ITGBL1: variants seen among roughly 807,000 people sequenced by gnomAD.
The protein encoded by ITGBL1 is integrin subunit beta like 1.
In ITGBL1, 51 loss-of-function variants were observed where a neutral mutation model predicts 68.5. That is an observed-to-expected ratio of 0.74 (90% CI 0.59 to 0.94). The LOEUF is 0.94. ITGBL1 is among the 40% of genes least tolerant of loss of function. The probability of loss-of-function intolerance (pLI) is 0.00; values close to 1 mark genes in which losing one functional copy is unlikely to be tolerated. For missense variants in ITGBL1, 649 were observed against 647.4 expected, an observed-to-expected ratio of 1.00 and a Z score of -0.03; for synonymous variants, 209 against 227.3, an observed-to-expected ratio of 0.92 and a Z score of 0.72.
Position 101,557,072 on chromosome 13 carries a change from C to T in ITGBL1, c.317-10627C>T, listed in dbSNP as rs372297659. 2.4e-4 allele frequency among the ~76,000 whole-genome samples: 37 copies of T among 152,306 alleles called. No individual in the cohort carries two copies. The East Asian group carries it at 3.9e-3, about 16-fold the overall frequency. ...ATCCCTCCTCAGGGGACAGACAGAG[C>T]GGTGCCATGCTGATGCACAGCTCCT... On this transcript the variant is annotated intron_variant, in intron 2 of 10. Transcript: ENST00000376180.
chr13:101,484,823 T>A (rs1173871328), intron 2 of ITGBL1, among the ~76,000 whole-genome samples: 1 of 152,076 alleles, frequency 6.6e-6, no homozygotes, highest in Non-Finnish European at 1.5e-5. Context: ...GAAATAATAA[T>A]GAAAATATTT....
At chr13:101,669,868 T>C (rs896874191) in intron 7 of ITGBL1, among the ~76,000 whole-genome samples, 2 of 152,226 alleles carry the variant, frequency 1.3e-5, no homozygotes, top group African/African-American at 4.8e-5. Flanking sequence ...TCATTGCATC[T>C]CACTGCACAT....
intron 9 of ITGBL1, among the ~76,000 whole-genome samples, chr13:101,709,442 A>T (rs1012073407): frequency 2.7e-4 from 40 of 150,136 alleles, no homozygotes; most frequent in Non-Finnish European, 5.6e-4. Flanking sequence ...ACTGCAAGAG[A>T]GAAGTAGGAG....
intron 10 of ITGBL1, chr13:101,715,232 C>T (rs2034663062): frequency 4.4e-6 from 1 of 225,812 alleles, no homozygotes; most frequent in African/African-American, 2.3e-5. Flanking sequence ...GTCAAAGAGC[C>T]TTATGTTTTT....
chr13:101,692,400 C>A (rs560105795), intron 7 of ITGBL1, among the ~76,000 whole-genome samples, 185 bp from the exon 8 acceptor site: 3 of 152,142 alleles, frequency 2.0e-5, no homozygotes, highest in Admixed American at 6.5e-5. Flanking sequence ...CAGACCACCA[C>A]GGAATTTCTT....
chr13:101,455,153 T>C (rs1326597913), intron 2 of ITGBL1, among the ~76,000 whole-genome samples: 1 of 152,150 alleles, frequency 6.6e-6, no homozygotes, highest in Non-Finnish European at 1.5e-5. Flanking sequence ...TTACCCTCAA[T>C]GTAGCTAAGA....
At chr13:101,478,018 C>A (rs534699746) in intron 2 of ITGBL1, among the ~76,000 whole-genome samples, 1 of 152,056 alleles carries the variant, frequency 6.6e-6, no homozygotes, top group East Asian at 1.9e-4. Flanking sequence ...CAAAACCAGA[C>A]AAAAACACAT....
At chr13:101,458,952 A>C (rs2048282441) in intron 2 of ITGBL1, among the ~76,000 whole-genome samples, 1 of 152,278 alleles carries the variant, frequency 6.6e-6, no homozygotes, top group Non-Finnish European at 1.5e-5. Context: ...TTATTTTTTT[A>C]AAGGCCATTT....
intron 7 of ITGBL1, among the ~76,000 whole-genome samples, chr13:101,605,624 G>C (rs997546538): frequency 3.4e-5 from 5 of 145,510 alleles, no homozygotes; most frequent in Non-Finnish European, 6.2e-5. Context: ...ATATATACAC[G>C]TATGTAGACA....
At chr13:101,526,279 A>T (rs66675776) in intron 2 of ITGBL1, among the ~76,000 whole-genome samples, 15,660 of 151,422 alleles carry the variant, frequency 0.1, 1,396 homozygotes, top group African/African-American at 0.24. Flanking sequence ...TACATTAGGT[A>T]TTTCTTCTAA....
chr13:101,645,364 A>G (rs2032525091), intron 7 of ITGBL1, among the ~76,000 whole-genome samples: 1 of 152,098 alleles, frequency 6.6e-6, no homozygotes. Context: ...TCAGGAGCCC[A>G]CTCAGTGGCT....
chr13:101,661,360 T>G (rs2033084924), intron 7 of ITGBL1, among the ~76,000 whole-genome samples: 1 of 152,150 alleles, frequency 6.6e-6, no homozygotes, highest in Non-Finnish European at 1.5e-5. Flanking sequence ...TTACTGATCT[T>G]GCACCTCTTC....
intron 7 of ITGBL1, among the ~76,000 whole-genome samples, chr13:101,628,720 G>A (rs532608469): frequency 4.3e-4 from 65 of 151,258 alleles, no homozygotes; most frequent in Middle Eastern, 3.4e-3. Context: ...GATTACAGGC[G>A]TGAGCCACCA....
chr13:101,674,615 T>C (rs2033456980), intron 7 of ITGBL1, among the ~76,000 whole-genome samples: 1 of 152,192 alleles, frequency 6.6e-6, no homozygotes. Flanking sequence ...TTTTTTTTTC[T>C]GTCAAAGGTA....
At chr13:101,630,340 C>T (rs185854343) in intron 7 of ITGBL1, among the ~76,000 whole-genome samples, 3 of 151,994 alleles carry the variant, frequency 2.0e-5, no homozygotes, top group East Asian at 3.9e-4. Flanking sequence ...ACAATATTTT[C>T]TTTCTCTCTA....
chr13:101,603,659 G>GTT (rs1182260514), intron 7 of ITGBL1, among the ~76,000 whole-genome samples: 2 of 149,712 alleles, frequency 1.3e-5, no homozygotes, highest in Non-Finnish European at 3.0e-5. Flanking sequence ...TAAAAAAAAT[G>GTT]ACCATAGGAA....
At chr13:101,486,434 C>A (rs1472945502) in intron 2 of ITGBL1, among the ~76,000 whole-genome samples, 2 of 151,806 alleles carry the variant, frequency 1.3e-5, no homozygotes, top group African/African-American at 2.4e-5. Flanking sequence ...TCAGAAATCA[C>A]CACTAAAGAA....
intron 5 of ITGBL1, 107 bp from the exon 6 acceptor site, chr13:101,583,109 G>A: frequency 1.7e-6 from 2 of 1,154,728 alleles, no homozygotes; most frequent in South Asian, 1.3e-5. Context: ...GAATATATGT[G>A]TTTTTTTCAA....
At chr13:101,520,975 C>T (rs1490920903) in intron 2 of ITGBL1, among the ~76,000 whole-genome samples, 1 of 152,178 alleles carries the variant, frequency 6.6e-6, no homozygotes, top group Non-Finnish European at 1.5e-5. Flanking sequence ...CCTTTTGTAG[C>T]TGATTCCTGT....
Sources: allele counts gnomAD v4.1 joint callset (sites outside exome capture counted in the v4.1 genomes callset), GRCh38; gene constraint gnomAD v4.1.1; transcripts MANE v1.5; gene names NCBI Gene and HGNC (gene_info 2026-07-23, HGNC 2026-07-21).